KATNIP: variants seen among roughly 807,000 people sequenced by gnomAD.
KATNIP encodes the protein katanin interacting protein.
Under a neutral mutation model 174.0 loss-of-function variants are expected in KATNIP, and 126 were observed. The observed-to-expected ratio is 0.72, with a 90% CI of 0.63 to 0.84. The LOEUF is 0.84. KATNIP is among the 40% of genes least tolerant of loss of function. KATNIP has a pLI of 0.00. For synonymous variants in KATNIP, 810 were observed against 835.7 expected (o/e 0.97, Z 0.53); for missense variants, 1,958 against 2,109.7 (o/e 0.93, Z 1.41).
At chr16:27,772,890 T>C (rs1567431863) in intron 22 of KATNIP, among the ~76,000 whole-genome samples, 1 of 151,512 alleles carries the variant, frequency 6.6e-6, no homozygotes, top group African/African-American at 2.4e-5. Flanking sequence ...AACACTCACA[T>C]GCACACACAC....
At chr16:27,648,087 G>A (rs535732683) in intron 5 of KATNIP, among the ~76,000 whole-genome samples, 200 of 152,244 alleles carry the variant, frequency 1.3e-3, no homozygotes, top group Non-Finnish European at 2.4e-3. Context: ...TTGAGGCCAG[G>A]AGTTGAAGAC....
intron 8 of KATNIP, among the ~76,000 whole-genome samples, chr16:27,688,549 C>T (rs2078604553): frequency 6.6e-6 from 1 of 152,130 alleles, no homozygotes; most frequent in Non-Finnish European, 1.5e-5. Flanking sequence ...CAAGATCGCA[C>T]CACTGCACTC....
At chr16:27,607,092 A>T (rs1213315019) in intron 2 of KATNIP, among the ~76,000 whole-genome samples, 1 of 152,116 alleles carries the variant, frequency 6.6e-6, no homozygotes, top group Non-Finnish European at 1.5e-5. Flanking sequence ...CTGAACCATC[A>T]CATGGCCGGG....
intron 5 of KATNIP, among the ~76,000 whole-genome samples, chr16:27,641,825 G>T (rs1055368500): frequency 2.6e-5 from 4 of 152,350 alleles, no homozygotes; most frequent in Admixed American, 2.6e-4. Flanking sequence ...ACTTAGAGTA[G>T]CAGGGCCCTA....
chr16:27,601,648 A>G (rs1157407000), intron 2 of KATNIP, among the ~76,000 whole-genome samples: 1 of 152,190 alleles, frequency 6.6e-6, no homozygotes, highest in Non-Finnish European at 1.5e-5. Flanking sequence ...CAGAAGGACC[A>G]TGTGGCTATT....
intron 2 of KATNIP, among the ~76,000 whole-genome samples, chr16:27,589,815 C>T (rs2075112088): frequency 6.6e-6 from 1 of 151,748 alleles, no homozygotes; most frequent in Non-Finnish European, 1.5e-5. Flanking sequence ...TATTTTGAGA[C>T]AGAGTCTCGC....
chr16:27,589,996 C>A (rs960628650), intron 2 of KATNIP, among the ~76,000 whole-genome samples: 3 of 151,796 alleles, frequency 2.0e-5, no homozygotes, highest in Non-Finnish European at 4.4e-5. Flanking sequence ...AGGCTGGTCA[C>A]AAATGATTTA....
At chr16:27,778,415 G>T (rs553018278) in intron 27 of KATNIP, among the ~76,000 whole-genome samples, 159 bp from the exon 28 acceptor site, 1 of 152,204 alleles carries the variant, frequency 6.6e-6, no homozygotes, top group Admixed American at 6.5e-5. Flanking sequence ...TGCTCCAGGC[G>T]GAGGGAAGGG....
At chr16:27,688,991 G>A (rs2078620907) in intron 8 of KATNIP, among the ~76,000 whole-genome samples, 1 of 152,250 alleles carries the variant, frequency 6.6e-6, no homozygotes, top group South Asian at 2.1e-4. Flanking sequence ...AGGGCCAGGA[G>A]TGGGGTCATA....
At chr16:27,758,729 C>T (rs2143971621) in intron 18 of KATNIP, among the ~76,000 whole-genome samples, 1 of 152,264 alleles carries the variant, frequency 6.6e-6, no homozygotes, top group East Asian at 1.9e-4. Flanking sequence ...TTCTCAGCAC[C>T]CTGGTCTCAG....
At chr16:27,752,391 T>G (rs1471152119) in intron 17 of KATNIP, among the ~76,000 whole-genome samples, 1 of 152,224 alleles carries the variant, frequency 6.6e-6, no homozygotes, top group Admixed American at 6.5e-5. Flanking sequence ...TTCACCCTCA[T>G]GACAACCCTC....
intron 14 of KATNIP, among the ~76,000 whole-genome samples, chr16:27,729,553 A>T (rs2080579624): frequency 6.6e-6 from 1 of 152,216 alleles, no homozygotes; most frequent in African/African-American, 2.4e-5. Flanking sequence ...CATAGGAGTC[A>T]CATGCTGTTG....
chr16:27,688,023 G>C (rs2078587205), intron 8 of KATNIP, among the ~76,000 whole-genome samples: 2 of 152,334 alleles, frequency 1.3e-5, no homozygotes, highest in South Asian at 4.2e-4. Flanking sequence ...GGGATGGTGG[G>C]ATCCTGGTGC....
chr16:27,755,943 T>C (rs1025475316), intron 18 of KATNIP, among the ~76,000 whole-genome samples: 1 of 152,178 alleles, frequency 6.6e-6, no homozygotes, highest in Admixed American at 6.5e-5. Flanking sequence ...GGACATGGCT[T>C]TTTGCAAGGA....
At position 27,677,880 on chromosome 16, in the gene KATNIP, C is replaced by G; in HGVS notation, c.692C>G (p.Pro231Arg). The G allele has an allele frequency of 6.2e-7, 1 of 1,614,168 alleles. No individual in the cohort carries two copies. The highest frequency in any genetic ancestry group is 8.5e-7 in the Non-Finnish European group (1 of 1,180,032). ...GTGGGCCATCCCAGACATGACCGCC[C>G]TCCTTCCAGTGGCGACTGGACTCAG... The part of the protein sequence containing the change: ...ALVGHPRHDR[P>R]PSSGDWTQKD... The change falls in exon 7 of 28, where the codon CCT becomes CGT. Residue 231 changes from proline to arginine, a missense_variant. Around this residue, in one of 3 missense-constraint regions of KATNIP, gnomAD observed 1,557 missense variants for 1,617.8 expected, o/e 0.96. Transcript: ENST00000261588.
chr16:27,750,190 A>G lies in KATNIP; in HGVS notation c.3230A>G (p.Asn1077Ser), dbSNP rs1183384543. The change falls in exon 16 of 28, where the codon AAC (asparagine) becomes AGC (serine). Residue 1077 changes from asparagine to serine, a missense_variant. Physicochemically the swap from Asn to Ser is conservative, Grantham distance 46. This residue lies in a region of KATNIP where 1,557 missense variants were observed against 1,617.8 expected (regional missense o/e 0.96). Coordinates refer to ENST00000261588, the MANE Select transcript of KATNIP (RefSeq NM_015202.5). ...CACGTTGCCCTGATCAGAATTTGGA[A>G]CTACAATAAATCTCGGATACATTCC... ...PCHVALIRIW[N>S]YNKSRIHSFR... The G allele has an allele frequency of 4.3e-6, 7 of 1,613,980 alleles. No homozygotes were observed. Among genetic ancestry groups the G allele is most frequent in the Non-Finnish European group, 5.1e-6 (6 of 1,180,028 alleles).
chr16:27,724,504 T>C (rs1164823718), intron 14 of KATNIP, among the ~76,000 whole-genome samples: 1 of 152,120 alleles, frequency 6.6e-6, no homozygotes, highest in African/African-American at 2.4e-5. Context: ...AGGCACAGGG[T>C]CTTAAGAGTC....
chr16:27,733,729 G>A (rs900182852), intron 14 of KATNIP, among the ~76,000 whole-genome samples: 1 of 152,136 alleles, frequency 6.6e-6, no homozygotes, highest in Admixed American at 6.5e-5. Context: ...AAGCCCTGAC[G>A]ACTGGAGGGG....
intron 2 of KATNIP, among the ~76,000 whole-genome samples, chr16:27,581,624 C>T (rs4787975): frequency 3.3e-5 from 5 of 152,076 alleles, no homozygotes; most frequent in African/African-American, 1.2e-4. Flanking sequence ...TGGGGGGAAC[C>T]GGTGGTATTT....
Sources: allele counts gnomAD v4.1 joint callset (sites outside exome capture counted in the v4.1 genomes callset), GRCh38; gene constraint gnomAD v4.1.1; regional missense constraint gnomAD v4.1.1; transcripts MANE v1.5; gene names NCBI Gene and HGNC (gene_info 2026-07-23, HGNC 2026-07-21).